The following ODAD2 variants were observed in gnomAD, a reference collection of about 807,000 sequenced individuals.
ODAD2 encodes outer dynein arm-docking complex subunit 2.
In ODAD2, 89 loss-of-function variants were observed where a neutral mutation model predicts 106.8. That is an observed-to-expected ratio of 0.83 (90% confidence interval 0.70 to 0.99). ODAD2 has a LOEUF of 0.99. ODAD2 is among the 50% of genes least tolerant of loss of function. The probability of loss-of-function intolerance (pLI) is 0.00; values close to 1 mark genes in which losing one functional copy is unlikely to be tolerated. For synonymous variants in ODAD2, 404 were observed against 436.2 expected, an observed-to-expected ratio of 0.93 and a Z score of 0.92; for missense variants, 1,168 against 1,238.5, an observed-to-expected ratio of 0.94 and a Z score of 0.85.
At chr10:27,958,024 CTT>C (rs1847851842) in intron 10 of ODAD2, among the ~76,000 whole-genome samples, 1 of 152,152 alleles carries the variant, frequency 6.6e-6, no homozygotes, top group Non-Finnish European at 1.5e-5. Context: ...ATTTCACAGA[CTT>C]TTAATATCGT....
At chr10:27,864,330 A>C (rs1840277677) in intron 17 of ODAD2, among the ~76,000 whole-genome samples, 1 of 146,276 alleles carries the variant, frequency 6.8e-6, no homozygotes, top group Non-Finnish European at 1.5e-5. Flanking sequence ...ATATTAGAAG[A>C]CCTAATTTGA....
At chr10:27,847,708 G>A (rs982540244) in intron 19 of ODAD2, among the ~76,000 whole-genome samples, 30 of 152,094 alleles carry the variant, frequency 2.0e-4, no homozygotes, top group Non-Finnish European at 4.0e-4. Context: ...AAGCTGAGAA[G>A]CAACTTCAGC....
At chr10:27,881,400 C>G (rs1439530958) in intron 17 of ODAD2, among the ~76,000 whole-genome samples, 2 of 151,736 alleles carry the variant, frequency 1.3e-5, no homozygotes, top group African/African-American at 4.8e-5. Context: ...ACAATCCCAG[C>G]ACATTGGGAG....
At position 27,947,075 on chromosome 10, in the gene ODAD2, C is replaced by T. The variant is rs143495131; in HGVS notation, c.1387-2113G>A. 4.7e-3 allele frequency among the ~76,000 whole-genome samples: 719 copies of T among 152,260 alleles called. 8 individuals are homozygous for T. The highest frequency in any genetic ancestry group is 0.016 in the African/African-American group (679 of 41,542). Reference sequence around the variant, plus strand: ...TTAATTTTACTATTTACTAATAAGTCATGTTCTTACAGCTTTTAGTATCTT... The same window carrying T: ...TTAATTTTACTATTTACTAATAAGTTATGTTCTTACAGCTTTTAGTATCTT... On this transcript the variant is annotated intron_variant, in intron 10 of 19. Transcript: ENST00000305242.
At chr10:27,849,742 A>ATTTAGCTCT (rs1839102585) in intron 19 of ODAD2, among the ~76,000 whole-genome samples, 1 of 152,228 alleles carries the variant, frequency 6.6e-6, no homozygotes, top group African/African-American at 2.4e-5. Context: ...TATCATAGAG[A>ATTTAGCTCT]AGCAAAGTGC....
chr10:27,903,877 G>A (rs1488180048), intron 17 of ODAD2, among the ~76,000 whole-genome samples: 1 of 152,110 alleles, frequency 6.6e-6, no homozygotes, highest in African/African-American at 2.4e-5. Flanking sequence ...ACCAAGACAA[G>A]GGTGTCCACC....
At chr10:27,920,474 A>G (rs572173938) in intron 16 of ODAD2, among the ~76,000 whole-genome samples, 2 of 152,262 alleles carry the variant, frequency 1.3e-5, no homozygotes, top group South Asian at 4.2e-4. Context: ...GAAAAATAAA[A>G]CCCACATAAT....
intron 2 of ODAD2, among the ~76,000 whole-genome samples, chr10:27,994,294 G>T (rs115867006): frequency 1.3e-4 from 20 of 151,754 alleles, no homozygotes; most frequent in Non-Finnish European, 2.9e-4. Flanking sequence ...CCTCCCCGCC[G>T]CCTCCTGCTT....
chr10:27,863,182 G>C (rs541952075), intron 17 of ODAD2, among the ~76,000 whole-genome samples: 1 of 152,090 alleles, frequency 6.6e-6, no homozygotes. Flanking sequence ...CTCATGCAAT[G>C]GAGCTTATTT....
At chr10:27,830,921 C>T (rs1037444267) in intron 19 of ODAD2, among the ~76,000 whole-genome samples, 5 of 152,228 alleles carry the variant, frequency 3.3e-5, no homozygotes, top group Non-Finnish European at 1.5e-5. Flanking sequence ...TTGTTTTTCT[C>T]TAGTACATCT....
At chr10:27,830,156 C>T (rs1054422294) in intron 19 of ODAD2, among the ~76,000 whole-genome samples, 2 of 152,166 alleles carry the variant, frequency 1.3e-5, no homozygotes, top group African/African-American at 4.8e-5. Context: ...AAAAACTGTT[C>T]ATCTTCATAA....
intron 19 of ODAD2, among the ~76,000 whole-genome samples, chr10:27,829,442 A>C (rs1837313054): frequency 6.6e-6 from 1 of 152,122 alleles, no homozygotes; most frequent in African/African-American, 2.4e-5. Flanking sequence ...TACCCTGTTG[A>C]TATCAAGTGT....
At chr10:27,888,202 G>A (rs1312595645) in intron 17 of ODAD2, among the ~76,000 whole-genome samples, 3 of 152,170 alleles carry the variant, frequency 2.0e-5, no homozygotes, top group South Asian at 4.1e-4. Context: ...CAGATCAAAT[G>A]GTAGTTCTAT....
intron 9 of ODAD2, 126 bp from the exon 10 acceptor site, chr10:27,961,841 G>T: frequency 1.4e-6 from 1 of 730,202 alleles, no homozygotes; most frequent in Non-Finnish European, 2.2e-6. Context: ...GAGGTGGGAG[G>T]ATTACTTAAG....
At chr10:27,836,815 T>C (rs1225800494) in intron 19 of ODAD2, among the ~76,000 whole-genome samples, 1 of 152,226 alleles carries the variant, frequency 6.6e-6, no homozygotes, top group Non-Finnish European at 1.5e-5. Flanking sequence ...GGTTAATCAA[T>C]TGTTAATTTC....
chr10:27,860,850 T>C lies in ODAD2; in HGVS notation c.2800-4A>G, dbSNP rs1363659151. 2.5e-6 allele frequency: 4 copies of C among 1,612,946 alleles called. No individual in the cohort carries two copies. The highest frequency in any genetic ancestry group is 1.6e-4 in the Middle Eastern group (1 of 6,062). On this transcript the variant is annotated splice_polypyrimidine_tract_variant and splice_region_variant and intron_variant, in intron 18 of 19. Transcript: ENST00000305242. ...GATGTCTCAATTTATTGTTATTCTG[T>C]GCAAGGGAAAATGAAATGGGATCTG...
At chr10:27,882,173 A>AAAAAGAAAG (rs1244028116) in intron 17 of ODAD2, among the ~76,000 whole-genome samples, 6 of 109,746 alleles carry the variant, frequency 5.5e-5, no homozygotes, top group African/African-American at 6.9e-5. Flanking sequence ...GTCATAAAAA[A>AAAAAGAAAG]AAAGAAAGAA....
intron 17 of ODAD2, among the ~76,000 whole-genome samples, chr10:27,906,925 A>G (rs1843639281): frequency 6.6e-6 from 1 of 152,124 alleles, no homozygotes; most frequent in South Asian, 2.1e-4. Flanking sequence ...TGACGGGTTG[A>G]TGGGTGGAGC....
chr10:27,940,733 C>T lies in ODAD2; in HGVS notation c.1816G>A (p.Glu606Lys). Residue 606 changes from glutamate to lysine, a missense_variant, in exon 13 of 20, where the codon GAA becomes AAA. Physicochemically the swap from Glu to Lys is moderately conservative, Grantham distance 56. Coordinates refer to ENST00000305242, the MANE Select transcript of ODAD2 (RefSeq NM_018076.5). Reference sequence around the variant, plus strand: ...GCCAGTGCCCCACAGCGAGCCACTTCCACGTCTCTGGCCTCATACAGACTC... The same window carrying T: ...GCCAGTGCCCCACAGCGAGCCACTTTCACGTCTCTGGCCTCATACAGACTC... ...QSSLYEARDV[E>K]VARCGALALW... 6.2e-7 allele frequency: 1 copy of T among 1,614,164 alleles called. No homozygotes were observed. The highest frequency in any genetic ancestry group is 1.1e-5 in the South Asian group (1 of 91,076).
Sources: allele counts gnomAD v4.1 joint callset (sites outside exome capture counted in the v4.1 genomes callset), GRCh38; gene constraint gnomAD v4.1.1; transcripts MANE v1.5; gene names NCBI Gene and HGNC (gene_info 2026-07-23, HGNC 2026-07-21).